Variants in CSMD1 observed in about 807,000 individuals in gnomAD.
The protein encoded by CSMD1 is CUB and Sushi multiple domains 1, also known as CUB and sushi domain-containing protein 1.
CSMD1 carries 213 observed loss-of-function variants against 417.5 expected under a neutral mutation model. That is an observed-to-expected ratio of 0.51 (90% CI 0.46 to 0.57). The LOEUF (loss-of-function observed/expected upper bound fraction) is 0.57, where lower values mean the gene tolerates loss of function less well. Ranked by LOEUF, CSMD1 falls within the 20% of genes least tolerant of loss-of-function variation. CSMD1 has a pLI of 0.00. For missense variants in CSMD1, 6,923 were observed against 4,529.7 expected, an observed-to-expected ratio of 1.53 and a Z score of -15.17; for synonymous variants, 2,862 against 1,736.8, an observed-to-expected ratio of 1.65 and a Z score of -16.11.
At chr8:4,385,799 A>C (rs1320730098) in intron 3 of CSMD1, among the ~76,000 whole-genome samples, 1 of 152,174 alleles carries the variant, frequency 6.6e-6, no homozygotes, top group African/African-American at 2.4e-5. Context: ...TAGAGTGTTA[A>C]TGTCTCATAG....
intron 3 of CSMD1, among the ~76,000 whole-genome samples, chr8:4,124,168 C>T (rs919746395): frequency 3.3e-5 from 5 of 152,014 alleles, no homozygotes; most frequent in African/African-American, 1.2e-4. Flanking sequence ...TGCGGAGGCG[C>T]AGGGGAGGAA....
At chr8:3,219,517 C>G (rs761621123) in intron 28 of CSMD1, 75 bp from the exon 29 acceptor site, 1 of 1,064,548 alleles carries the variant, frequency 9.4e-7, no homozygotes, top group Non-Finnish European at 1.3e-6. Flanking sequence ...CCTTTGAGCT[C>G]AGAAAGTGAT....
At chr8:4,377,130 T>G (rs1802800394) in intron 3 of CSMD1, among the ~76,000 whole-genome samples, 1 of 152,206 alleles carries the variant, frequency 6.6e-6, no homozygotes, top group African/African-American at 2.4e-5. Flanking sequence ...CATTTCTCCT[T>G]TATTTTTCAT....
chr8:4,235,212 C>T (rs1376853193), intron 3 of CSMD1, among the ~76,000 whole-genome samples: 1 of 151,962 alleles, frequency 6.6e-6, no homozygotes, highest in Non-Finnish European at 1.5e-5. Flanking sequence ...AAGAATGGAC[C>T]AAGGGTGCAA....
At chr8:3,961,885 C>T (rs1379114824) in intron 5 of CSMD1, among the ~76,000 whole-genome samples, 2 of 152,156 alleles carry the variant, frequency 1.3e-5, no homozygotes, top group Non-Finnish European at 2.9e-5. Flanking sequence ...GCGCATCCTG[C>T]CTTACGACTT....
rs1585366327 is a variant in CSMD1, at chr8:4,124,285, C to G, written c.416-92186G>C. On this transcript the variant is annotated intron_variant, in intron 3 of 69. Transcript: ENST00000635120. ...GCACTGACTGGCAAATTAATAACAT[C>G]AATTTAAACAGTTATAATTCCACAG... Among the ~76,000 whole-genome samples the G allele has an allele frequency of 1.3e-5, 2 of 152,194 alleles. 1 individual carries two copies. The highest frequency in any genetic ancestry group is 6.8e-3 in the Middle Eastern group (2 of 294).
chr8:4,178,812 G>T (rs1176236563), intron 3 of CSMD1, among the ~76,000 whole-genome samples: 2 of 152,130 alleles, frequency 1.3e-5, no homozygotes, highest in African/African-American at 4.8e-5. Flanking sequence ...AATCAGGAGT[G>T]AACTCCCATT....
chr8:4,823,671 A>T (rs1030291523), intron 1 of CSMD1, among the ~76,000 whole-genome samples: 1 of 152,108 alleles, frequency 6.6e-6, no homozygotes, highest in Non-Finnish European at 1.5e-5. Flanking sequence ...ACACTGACAT[A>T]TAAACAAGTA....
chr8:4,419,137 AGTGTGT>A (rs549065650), intron 3 of CSMD1, among the ~76,000 whole-genome samples: 278 of 152,298 alleles, frequency 1.8e-3, no homozygotes, highest in African/African-American at 6.3e-3. Context: ...CCAAGTAAAC[AGTGTGT>A]GTTGTAAATA....
intron 12 of CSMD1, among the ~76,000 whole-genome samples, chr8:3,420,065 T>G (rs181318055): frequency 6.6e-6 from 1 of 152,154 alleles, no homozygotes; most frequent in East Asian, 1.9e-4. Context: ...TTAAGTTCTA[T>G]CTCTTTGCTA....
At chr8:4,973,031 G>T (rs1271135779) in intron 1 of CSMD1, among the ~76,000 whole-genome samples, 1 of 152,090 alleles carries the variant, frequency 6.6e-6, no homozygotes, top group Non-Finnish European at 1.5e-5. Context: ...TATTTTAAAA[G>T]ATGTAGTAAA....
At chr8:4,018,789 G>A (rs1189354888) in intron 4 of CSMD1, among the ~76,000 whole-genome samples, 2 of 152,196 alleles carry the variant, frequency 1.3e-5, no homozygotes, top group African/African-American at 4.8e-5. Flanking sequence ...AAAGTGTCCA[G>A]GGTCAAATTC....
intron 3 of CSMD1, among the ~76,000 whole-genome samples, chr8:4,179,811 A>G (rs934281226): frequency 6.6e-6 from 1 of 152,222 alleles, no homozygotes; most frequent in African/African-American, 2.4e-5. Flanking sequence ...TATGCAGCCA[A>G]AAGACACATG....
At chr8:3,730,352 A>C (rs1185358730) in intron 6 of CSMD1, among the ~76,000 whole-genome samples, 4 of 146,532 alleles carry the variant, frequency 2.7e-5, no homozygotes, top group Admixed American at 1.5e-4. Context: ...TCATGCTCCC[A>C]AAAAAATTTA....
rs1192096734 is a variant in CSMD1 at position 2,999,965 on chromosome 8, G to A, written c.8196C>T (p.Val2732=). The change falls in exon 53 of 70, where the codon GTC becomes GTT. Residue 2732 remains valine (V), a synonymous_variant. Transcript: ENST00000635120. ...QDHKWSGQTP[V]CVPITCGHPG... is the part of the protein sequence containing the mutation. ...CACAAAGAGTGCACTTACGGACACA[G>A]ACAGGCGTTTGTCCAGACCACTTGT... 1 of 1,608,532 alleles carries A rather than the reference G, an allele frequency of 6.2e-7. No homozygotes were observed. The highest frequency in any genetic ancestry group is 2.2e-5 in the East Asian group (1 of 44,658).
chr8:3,592,355 G>C (rs1800888700), intron 8 of CSMD1, among the ~76,000 whole-genome samples: 1 of 151,964 alleles, frequency 6.6e-6, no homozygotes. Context: ...AGGTATCGAA[G>C]GTAGGCATTT....
At position 4,633,413 on chromosome 8, in the gene CSMD1, A is replaced by AT. The variant is rs546095176; in HGVS notation, c.302+3928dup. 5.4e-3 allele frequency among the ~76,000 whole-genome samples: 808 copies of AT among 150,124 alleles called. 2 individuals carry two copies. Among genetic ancestry groups the AT allele is most frequent in the African/African-American group, 0.017 (692 of 40,826 alleles). On this transcript the variant is annotated intron_variant, in intron 2 of 69. Transcript: ENST00000635120. ...AGGCGCCCACCACCACGCCCAGCTA[A>AT]TTTTTTTTTGTATTTTTAGTAGAGA...
At chr8:3,945,233 A>C (rs1223137027) in intron 5 of CSMD1, among the ~76,000 whole-genome samples, 1 of 151,856 alleles carries the variant, frequency 6.6e-6, no homozygotes, top group African/African-American at 2.4e-5. Flanking sequence ...AATTGTCTTT[A>C]GACGTGAAAA....
At chr8:4,197,637 G>C (rs563489436) in intron 3 of CSMD1, among the ~76,000 whole-genome samples, 2 of 152,292 alleles carry the variant, frequency 1.3e-5, no homozygotes, top group Non-Finnish European at 2.9e-5. Context: ...CCAGCATTTT[G>C]GGAGGCCGAG....
Sources: allele counts gnomAD v4.1 joint callset (sites outside exome capture counted in the v4.1 genomes callset), GRCh38; gene constraint gnomAD v4.1.1; transcripts MANE v1.5; gene names NCBI Gene and HGNC (gene_info 2026-07-23, HGNC 2026-07-21).